The following SEL1L2 variants were observed in gnomAD, a reference collection of about 807,000 sequenced individuals.
SEL1L2 encodes protein sel-1 homolog 2.
SEL1L2 carries 89 observed loss-of-function variants against 98.8 expected under a neutral mutation model. That is an observed-to-expected ratio of 0.90 (90% CI 0.76 to 1.07). SEL1L2 has a LOEUF of 1.07. SEL1L2 is among the 50% of genes least tolerant of loss of function. The pLI, the probability that SEL1L2 is intolerant of heterozygous loss-of-function variation, is 0.00. For synonymous variants in SEL1L2, 262 were observed against 278.5 expected, an observed-to-expected ratio of 0.94 and a Z score of 0.59; for missense variants, 788 against 812.0, an observed-to-expected ratio of 0.97 and a Z score of 0.36.
At chr20:13,882,970 C>G (rs1394728413) in intron 10 of SEL1L2, among the ~76,000 whole-genome samples, 6 of 152,020 alleles carry the variant, frequency 3.9e-5, no homozygotes, top group African/African-American at 1.4e-4. Context: ...GCGCCCGCCA[C>G]TACGCCCGGC....
intron 10 of SEL1L2, among the ~76,000 whole-genome samples, chr20:13,882,974 G>A (rs1600594045): frequency 6.6e-6 from 1 of 151,860 alleles, no homozygotes; most frequent in East Asian, 1.9e-4. Context: ...CCGCCACTAC[G>A]CCCGGCTAAT....
At chr20:13,959,754 T>G (rs1280203247) in intron 1 of SEL1L2, among the ~76,000 whole-genome samples, 1 of 152,190 alleles carries the variant, frequency 6.6e-6, no homozygotes, top group Non-Finnish European at 1.5e-5. Flanking sequence ...TAAACAAACT[T>G]ATTTCTCCTT....
intron 1 of SEL1L2, among the ~76,000 whole-genome samples, chr20:13,980,899 C>G (rs1329291755): frequency 6.6e-6 from 1 of 152,176 alleles, no homozygotes; most frequent in African/African-American, 2.4e-5. Context: ...GAAAGAAATA[C>G]TTCCTGATCT....
At chr20:13,872,715 C>G (rs781487721) in intron 12 of SEL1L2, among the ~76,000 whole-genome samples, 4 of 152,008 alleles carry the variant, frequency 2.6e-5, no homozygotes, top group Non-Finnish European at 4.4e-5. Flanking sequence ...TCCCTGGGAT[C>G]CCAGGGACTC....
In SEL1L2 at chr20:13,931,627, T is replaced by A; in HGVS notation, c.259A>T (p.Ile87Phe). ...IRIKGIQNKD[I>F]LKRNKNHLQK... ...CAATGATTCTTATTTCTCTTCAAGA[T>A]ATCTTTATTTTGAATTCCTTTTATT... is the stretch of plus-strand genomic sequence containing the variant. The change falls in exon 3 of 20, where the codon ATC (isoleucine) becomes TTC (phenylalanine). Residue 87 changes from isoleucine (I) to phenylalanine (F), a missense_variant. Physicochemically the swap from Ile to Phe is conservative, Grantham distance 21. Coordinates refer to ENST00000284951, the MANE Select transcript of SEL1L2 (RefSeq NM_025229.2). 3.5e-6 allele frequency: 5 copies of A among 1,427,450 alleles called. No homozygotes were observed. Among genetic ancestry groups the A allele is most frequent in the Non-Finnish European group, 4.8e-6 (5 of 1,046,246 alleles). The allele number at this position is 1,427,450 out of a possible 1,614,324, so 88.4% of individuals were successfully genotyped here.
chr20:13,989,788 T>C (rs978601484), intron 1 of SEL1L2, among the ~76,000 whole-genome samples: 1 of 152,220 alleles, frequency 6.6e-6, no homozygotes, highest in Admixed American at 6.5e-5. Flanking sequence ...ATCTTACATT[T>C]CTGGGTAAAA....
Position 13,911,482 on chromosome 20 carries a change from T to C in SEL1L2, c.549+2300A>G, listed in dbSNP as rs1463208536. Among the ~76,000 whole-genome samples, 10 of 152,326 alleles carry C rather than the reference T, an allele frequency of 6.6e-5. No individual in the cohort carries two copies. In the South Asian group the frequency reaches 2.1e-3, roughly 32 times the overall value. On this transcript the variant is annotated intron_variant, in intron 5 of 19. Coordinates refer to ENST00000284951, the MANE Select transcript of SEL1L2 (RefSeq NM_025229.2). The stretch of plus-strand genomic sequence containing the variant: ...ATCTGTGGTAACATTTGGTCTGTCT[T>C]GGAACTTTATATTTTTGATTAAGCA...
chr20:13,953,397 G>A (rs1343980981), intron 2 of SEL1L2, among the ~76,000 whole-genome samples: 1 of 152,214 alleles, frequency 6.6e-6, no homozygotes, highest in African/African-American at 2.4e-5. Context: ...CTCTGAGGGA[G>A]CTCCAATGCC....
chr20:13,875,989 T>C (rs1000345644), intron 12 of SEL1L2, 49 bp downstream of exon 12: 3 of 1,421,954 alleles, frequency 2.1e-6, no homozygotes, highest in African/African-American at 1.4e-5. Flanking sequence ...CTGCGTGTAA[T>C]AAAAGCAATT....
chr20:13,860,302 T>C (rs1989899907), intron 17 of SEL1L2, among the ~76,000 whole-genome samples: 2 of 152,222 alleles, frequency 1.3e-5, no homozygotes, highest in Admixed American at 6.5e-5. Flanking sequence ...GTGTGTTCTA[T>C]ACTCACTGTC....
intron 18 of SEL1L2, among the ~76,000 whole-genome samples, chr20:13,858,785 A>AGTATCCAG (rs2044184043): frequency 1.3e-5 from 2 of 152,308 alleles, no homozygotes; most frequent in African/African-American, 4.8e-5. Context: ...GCCTTTCTAG[A>AGTATCCAG]GTATCCAGCA....
At chr20:13,966,096 T>C (rs769156945) in intron 1 of SEL1L2, among the ~76,000 whole-genome samples, 9 of 152,204 alleles carry the variant, frequency 5.9e-5, no homozygotes, top group Middle Eastern at 3.4e-3. Flanking sequence ...ATGGTGCCGA[T>C]AGACTTGCTC....
chr20:13,972,836 A>G (rs1421137638), intron 1 of SEL1L2, among the ~76,000 whole-genome samples: 5 of 152,202 alleles, frequency 3.3e-5, no homozygotes, highest in Non-Finnish European at 7.3e-5. Flanking sequence ...TTATCCATAA[A>G]GTACTCACAT....
chr20:13,934,558 A>G (rs1308130096), intron 2 of SEL1L2, among the ~76,000 whole-genome samples: 1 of 135,156 alleles, frequency 7.4e-6, no homozygotes, highest in East Asian at 2.2e-4. Context: ...GCAATTGTGA[A>G]TTCTGCTGCT....
intron 2 of SEL1L2, among the ~76,000 whole-genome samples, chr20:13,940,205 A>T (rs1377980441): frequency 6.6e-6 from 1 of 152,238 alleles, no homozygotes; most frequent in African/African-American, 2.4e-5. Flanking sequence ...AAATGTAAAA[A>T]GTCAAATATG....
At chr20:13,948,946 G>A (rs568013389) in intron 2 of SEL1L2, among the ~76,000 whole-genome samples, 2 of 152,236 alleles carry the variant, frequency 1.3e-5, no homozygotes, top group African/African-American at 4.8e-5. Flanking sequence ...GACCAGAAGG[G>A]TCAATTTCTA....
intron 5 of SEL1L2, 123 bp from the exon 6 acceptor site, chr20:13,888,635 CTTTTTTTTTTTT>C: frequency 9.8e-6 from 2 of 203,634 alleles, no homozygotes; most frequent in Non-Finnish European, 1.6e-5. Flanking sequence ...CTTTCTTTCT[CTTTTTTTTTTTT>C]TTTTTTTTTG....
chr20:13,892,777 T>C (rs928831843), intron 5 of SEL1L2, among the ~76,000 whole-genome samples: 1 of 152,190 alleles, frequency 6.6e-6, no homozygotes, highest in African/African-American at 2.4e-5. Context: ...GTATACACTG[T>C]CTATAGGAGA....
chr20:13,945,310 T>C (rs756014410), intron 2 of SEL1L2, among the ~76,000 whole-genome samples: 3 of 152,188 alleles, frequency 2.0e-5, no homozygotes, highest in Non-Finnish European at 4.4e-5. Flanking sequence ...TTTAGTGTGA[T>C]ATTCTTACGT....
Sources: gnomAD v4.1 joint callset for allele counts (sites outside exome capture counted in the v4.1 genomes callset) on GRCh38, gnomAD v4.1.1 for gene constraint, MANE v1.5 for transcripts, NCBI Gene and HGNC (gene_info 2026-07-23, HGNC 2026-07-21) for gene names.